ACVR1: variants seen among roughly 807,000 people sequenced by gnomAD.
ACVR1 encodes activin A receptor type 1.
In ACVR1, 38 loss-of-function variants were observed where a neutral mutation model predicts 57.1. That is an observed-to-expected ratio of 0.67 (90% CI 0.51 to 0.87). The LOEUF (loss-of-function observed/expected upper bound fraction) is 0.87, where lower values mean the gene tolerates loss of function less well. ACVR1 is among the 40% of genes least tolerant of loss of function. ACVR1 has a pLI of 0.00. For missense variants in ACVR1, 463 were observed against 638.2 expected, an observed-to-expected ratio of 0.73 and a Z score of 2.96; for synonymous variants, 212 against 228.1, an observed-to-expected ratio of 0.93 and a Z score of 0.63.
At chr2:157,865,629 T>A (rs539495794) in intron 1 of ACVR1, among the ~76,000 whole-genome samples, 1 of 151,662 alleles carries the variant, frequency 6.6e-6, no homozygotes, top group South Asian at 2.1e-4. Flanking sequence ...CTGTCTCTAC[T>A]TAAAAATAAA....
chr2:157,847,860 G>C (rs1689171175), intron 1 of ACVR1, among the ~76,000 whole-genome samples: 1 of 152,170 alleles, frequency 6.6e-6, no homozygotes. Context: ...GAGAGCAGCT[G>C]ACAGAGAGAC....
chr2:157,827,867 C>G (rs867403240), intron 1 of ACVR1, among the ~76,000 whole-genome samples: 5 of 152,220 alleles, frequency 3.3e-5, no homozygotes, highest in South Asian at 2.1e-4. Flanking sequence ...TCTCACTCAC[C>G]CTTCTCTGTT....
chr2:157,813,972 G>A (rs913995951), intron 2 of ACVR1, among the ~76,000 whole-genome samples: 4 of 152,156 alleles, frequency 2.6e-5, no homozygotes, highest in Non-Finnish European at 4.4e-5. Flanking sequence ...TTTTAACTAC[G>A]ATACTAGGAT....
chr2:157,832,051 A>G, intron 1 of ACVR1, among the ~76,000 whole-genome samples: 1 of 152,170 alleles, frequency 6.6e-6, no homozygotes, highest in East Asian at 1.9e-4. Flanking sequence ...TAGCTTCACC[A>G]CCTGGACACA....
intron 3 of ACVR1, among the ~76,000 whole-genome samples, chr2:157,782,151 C>T (rs957340061): frequency 6.6e-6 from 1 of 152,180 alleles, no homozygotes; most frequent in African/African-American, 2.4e-5. Flanking sequence ...AAGAGAAAAG[C>T]ATTCTTAATC....
intron 1 of ACVR1, among the ~76,000 whole-genome samples, chr2:157,824,966 G>A (rs1002113326): frequency 3.9e-5 from 6 of 152,018 alleles, no homozygotes; most frequent in Admixed American, 6.6e-5. Flanking sequence ...GGCTGGTCTC[G>A]AACTCCTGAC....
At chr2:157,832,475 T>C (rs988923491) in intron 1 of ACVR1, among the ~76,000 whole-genome samples, 4 of 152,004 alleles carry the variant, frequency 2.6e-5, no homozygotes, top group African/African-American at 7.3e-5. Flanking sequence ...GTAGGGGTGA[T>C]ATGGGGTGGG....
rs1200140813 is a variant in ACVR1 at position 157,760,986 on chromosome 2, A to T, written c.1158T>A (p.Val386=). 1 of 1,614,142 alleles carries T rather than the reference A, an allele frequency of 6.2e-7. No homozygotes were observed. The highest frequency in any genetic ancestry group is 8.5e-7 in the Non-Finnish European group (1 of 1,180,004). Reference sequence around the variant, plus strand: ...AATCCACCTGGATGGTTTCATCTAGAACTTCGGGGGCCATGTAGCGCTTGG... The same window carrying T: ...AATCCACCTGGATGGTTTCATCTAGTACTTCGGGGGCCATGTAGCGCTTGG... ...VGTKRYMAPE[V]LDETIQVDCF... Residue 386 remains valine, a synonymous_variant, in exon 9 of 11, where the codon GTT becomes GTA. Transcript: ENST00000434821.
At chr2:157,747,878 G>T (rs1007432841) in intron 9 of ACVR1, among the ~76,000 whole-genome samples, 3 of 151,980 alleles carry the variant, frequency 2.0e-5, no homozygotes, top group African/African-American at 7.3e-5. Flanking sequence ...TGAGACAGGA[G>T]ATACCCTTAT....
chr2:157,858,588 C>T (rs564406943), intron 1 of ACVR1, among the ~76,000 whole-genome samples: 2 of 152,264 alleles, frequency 1.3e-5, no homozygotes, highest in African/African-American at 4.8e-5. Flanking sequence ...TCTCCTGCCT[C>T]GGCCTCCCAA....
At chr2:157,812,494 C>T (rs963759822) in intron 2 of ACVR1, among the ~76,000 whole-genome samples, 1 of 151,588 alleles carries the variant, frequency 6.6e-6, no homozygotes, top group African/African-American at 2.4e-5. Flanking sequence ...GCATGGTGAT[C>T]ACAAAAAAAA....
At chr2:157,737,696 A>G in intron 10 of ACVR1, 31 bp from the exon 11 acceptor site, 1 of 1,614,032 alleles carries the variant, frequency 6.2e-7, no homozygotes, top group Non-Finnish European at 8.5e-7. Flanking sequence ...CACCACAATG[A>G]CAAACTGGCT....
At chr2:157,845,127 AGTT>A (rs1216922944) in intron 1 of ACVR1, among the ~76,000 whole-genome samples, 1 of 152,192 alleles carries the variant, frequency 6.6e-6, no homozygotes. Flanking sequence ...GGTCCCAATA[AGTT>A]GTGTAGGCAT....
chr2:157,874,896 A>G (rs1320768820), intron 1 of ACVR1: 2 of 152,122 alleles, frequency 1.3e-5, no homozygotes, highest in Admixed American at 6.6e-5. Context: ...CAAATTCATG[A>G]CAACTTTTTA....
intron 9 of ACVR1, among the ~76,000 whole-genome samples, chr2:157,740,735 C>T (rs952975280): frequency 6.6e-6 from 1 of 152,136 alleles, no homozygotes; most frequent in Non-Finnish European, 1.5e-5. Context: ...CTGGTGATAC[C>T]AAACAATGAA....
At chr2:157,874,834 C>A (rs1690228231) in intron 1 of ACVR1, 1 of 152,158 alleles carries the variant, frequency 6.6e-6, no homozygotes, top group Non-Finnish European at 1.5e-5. Context: ...AAAGAAAAGC[C>A]CAATAAAATT....
At chr2:157,854,217 A>C (rs1689424795) in intron 1 of ACVR1, among the ~76,000 whole-genome samples, 1 of 150,604 alleles carries the variant, frequency 6.6e-6, no homozygotes, top group Admixed American at 6.6e-5. Flanking sequence ...AAAAAAAAAA[A>C]GAAGCATTTT....
intron 3 of ACVR1, among the ~76,000 whole-genome samples, chr2:157,791,857 TA>T (rs1379340980): frequency 6.6e-6 from 1 of 152,208 alleles, no homozygotes; most frequent in African/African-American, 2.4e-5. Context: ...GACGTGAAGT[TA>T]AGGATAAAAA....
chr2:157,750,240 G>A (rs1685131491), intron 9 of ACVR1, among the ~76,000 whole-genome samples: 1 of 152,192 alleles, frequency 6.6e-6, no homozygotes, highest in Admixed American at 6.5e-5. Flanking sequence ...CCAGAAGCCT[G>A]ATGATGAGCC....
Sources: allele counts gnomAD v4.1 joint callset (sites outside exome capture counted in the v4.1 genomes callset), GRCh38; gene constraint gnomAD v4.1.1; transcripts MANE v1.5; gene names NCBI Gene and HGNC (gene_info 2026-07-23, HGNC 2026-07-21).